NAA11: variants seen among roughly 807,000 people sequenced by gnomAD.
NAA11 encodes N-alpha-acetyltransferase 11, NatA catalytic subunit.
Under a neutral mutation model 16.1 loss-of-function variants are expected in NAA11, and 15 were observed. The ratio of observed to expected loss-of-function variants is 0.93; its 90% CI spans 0.62 to 1.44. The LOEUF (loss-of-function observed/expected upper bound fraction) is 1.44. Ranked by LOEUF, NAA11 falls within the 40% of genes most tolerant of loss-of-function variation. The pLI, the probability that NAA11 is intolerant of heterozygous loss-of-function variation, is 0.00. For synonymous variants in NAA11, 122 were observed against 112.4 expected (o/e 1.09, Z -0.54); for missense variants, 298 against 291.3 (o/e 1.02, Z -0.17).
At chr4:79,242,274 C>CTG (rs10659083) in intron 2 of NAA11, among the ~76,000 whole-genome samples, 126,383 of 152,040 alleles carry the variant, frequency 0.83, 53,735 homozygotes, top group Non-Finnish European at 0.92. Flanking sequence ...TTAGTTTCAG[C>CTG]TAGTTCCAGC....
chr4:79,167,264 T>TAGAGAGAGAG, the NAA11 span, among the ~76,000 whole-genome samples: 1 of 120,266 alleles, frequency 8.3e-6, no homozygotes, highest in Non-Finnish European at 1.7e-5. Context: ...CATATATATA[T>TAGAGAGAGAG]ATATATAGAG....
chr4:79,243,555 C>T (rs1193141961), intron 2 of NAA11, among the ~76,000 whole-genome samples: 1 of 152,212 alleles, frequency 6.6e-6, no homozygotes, highest in African/African-American at 2.4e-5. Flanking sequence ...ATCACCACTG[C>T]ATTTATTGTA....
At position 79,275,967 on chromosome 4, in the gene NAA11, A is replaced by G. The variant is rs114450250; in HGVS notation, c.*122+18038T>C. 5.7e-3 allele frequency among the ~76,000 whole-genome samples: 868 copies of G among 152,260 alleles called. 6 individuals are homozygous for G. Among genetic ancestry groups the G allele is most frequent in the African/African-American group, 0.02 (819 of 41,570 alleles). On this transcript the variant is annotated intron_variant and NMD_transcript_variant, in intron 2 of 2. Coordinates refer to the NAA11 transcript ENST00000511542. Reference sequence around the variant, plus strand: ...GAGACCTTAACCAAACCAGTGCTTAATCACCTTGACAATACATTTGATATT... The same window carrying G: ...GAGACCTTAACCAAACCAGTGCTTAGTCACCTTGACAATACATTTGATATT...
At chr4:79,257,475 C>T (rs1361367206) in intron 2 of NAA11, among the ~76,000 whole-genome samples, 1 of 151,874 alleles carries the variant, frequency 6.6e-6, no homozygotes, top group Non-Finnish European at 1.5e-5. Flanking sequence ...AGTTCCTTTG[C>T]TTTGGTTTTC....
intron 2 of NAA11, among the ~76,000 whole-genome samples, chr4:79,277,690 G>A (rs1483434419): frequency 2.6e-5 from 4 of 151,768 alleles, no homozygotes; most frequent in African/African-American, 9.7e-5. Context: ...CCTGCTACCT[G>A]CTCTGCCCTG....
At chr4:79,205,003 A>C in the NAA11 span, among the ~76,000 whole-genome samples, 2 of 151,674 alleles carry the variant, frequency 1.3e-5, no homozygotes, top group African/African-American at 4.8e-5. Flanking sequence ...AAGAAATTGC[A>C]TATATATGAT....
the NAA11 span, among the ~76,000 whole-genome samples, chr4:79,204,122 C>T: frequency 2.0e-5 from 3 of 151,766 alleles, no homozygotes; most frequent in Non-Finnish European, 1.5e-5. Flanking sequence ...CTTAACAGCC[C>T]GCTTACTATA....
intron 1 of NAA11, chr4:79,299,296 C>T (rs1723320468): frequency 6.6e-6 from 1 of 152,214 alleles, no homozygotes; most frequent in Non-Finnish European, 1.5e-5. Context: ...CTTCATGATG[C>T]TTATGCCCAA....
chr4:79,236,633 GATACATTTTTGAT>G (rs1179115065), intron 2 of NAA11, among the ~76,000 whole-genome samples: 1 of 152,074 alleles, frequency 6.6e-6, no homozygotes, highest in Non-Finnish European at 1.5e-5. Flanking sequence ...TATCATTGCT[GATACATTTTTGAT>G]AAGTCAAAAA....
chr4:79,257,234 A>G (rs1467512614), intron 2 of NAA11, among the ~76,000 whole-genome samples: 2 of 152,052 alleles, frequency 1.3e-5, no homozygotes, highest in Non-Finnish European at 2.9e-5. Context: ...TCTCAATCTT[A>G]TTTACACCAC....
intron 2 of NAA11, among the ~76,000 whole-genome samples, chr4:79,271,543 A>G (rs1170237988): frequency 6.6e-6 from 1 of 152,052 alleles, no homozygotes; most frequent in Non-Finnish European, 1.5e-5. Flanking sequence ...AATCTGTGCC[A>G]TTGATAAATA....
At chr4:79,233,401 C>G (rs1287410344) in intron 2 of NAA11, among the ~76,000 whole-genome samples, 2 of 151,894 alleles carry the variant, frequency 1.3e-5, no homozygotes, top group Non-Finnish European at 2.9e-5. Flanking sequence ...GTCTGTATAG[C>G]ATTTATTTTA....
the NAA11 span, among the ~76,000 whole-genome samples, chr4:79,214,715 C>T: frequency 6.6e-6 from 1 of 152,080 alleles, no homozygotes; most frequent in African/African-American, 2.4e-5. Flanking sequence ...AGGAGAATGG[C>T]ATGAACCAGG....
chr4:79,309,856 C>T (rs1372929288), intron 1 of NAA11, among the ~76,000 whole-genome samples: 1 of 151,784 alleles, frequency 6.6e-6, no homozygotes, highest in Non-Finnish European at 1.5e-5. Context: ...GCTGGGACTA[C>T]AGGCGCCCGC....
the NAA11 span, among the ~76,000 whole-genome samples, chr4:79,198,108 G>A: frequency 6.6e-6 from 1 of 152,022 alleles, no homozygotes; most frequent in Middle Eastern, 3.4e-3. Flanking sequence ...TTGTTAAACA[G>A]ATCTCATGTC....
At chr4:79,275,012 C>T (rs1722616641) in intron 2 of NAA11, among the ~76,000 whole-genome samples, 1 of 151,944 alleles carries the variant, frequency 6.6e-6, no homozygotes, top group African/African-American at 2.4e-5. Context: ...TACTTCAGGT[C>T]TTAGTTGTGG....
intron 2 of NAA11, among the ~76,000 whole-genome samples, chr4:79,266,788 T>A (rs1722354644): frequency 2.0e-5 from 3 of 152,216 alleles, no homozygotes; most frequent in Non-Finnish European, 2.9e-5. Flanking sequence ...TCTATTAGCT[T>A]TTTTGAGTCA....
intron 2 of NAA11, among the ~76,000 whole-genome samples, chr4:79,272,045 CA>C (rs1722506599): frequency 6.6e-6 from 1 of 151,644 alleles, no homozygotes; most frequent in South Asian, 2.1e-4. Flanking sequence ...GATATATACA[CA>C]CATAGAAGAT....
chr4:79,219,141 AT>A, the NAA11 span, among the ~76,000 whole-genome samples: 3 of 152,138 alleles, frequency 2.0e-5, no homozygotes, highest in South Asian at 6.2e-4. Flanking sequence ...TTGAAACAAG[AT>A]TTTAAAAACT....
Sources: allele counts gnomAD v4.1 joint callset (sites outside exome capture counted in the v4.1 genomes callset), GRCh38; gene constraint gnomAD v4.1.1; transcripts MANE v1.5; gene names NCBI Gene and HGNC (gene_info 2026-07-23, HGNC 2026-07-21).